Variants in PSMA6 observed in about 807,000 individuals in gnomAD.
The protein encoded by PSMA6 is proteasome 20S subunit alpha 6.
For synonymous variants in PSMA6, 88 were observed against 97.7 expected, an observed-to-expected ratio of 0.90 and a Z score of 0.59; for missense variants, 170 against 294.8, an observed-to-expected ratio of 0.58 and a Z score of 3.10.
chr14:35,294,863 G>A (rs138754993), intron 1 of PSMA6, among the ~76,000 whole-genome samples: 1 of 152,114 alleles, frequency 6.6e-6, no homozygotes, highest in African/African-American at 2.4e-5. Flanking sequence ...GACAAAGCAT[G>A]GAAGGATTAT....
rs1041975780 is a variant in PSMA6, at chr14:35,282,525, C to A, written c.19+3807C>A. ...ATCCACTTATCTCGGCCTTCCAAAG[C>A]GCTGGGATTACAGGATGAGCCATTG... On this transcript the variant is annotated intron_variant, in intron 1 of 6. Coordinates refer to the PSMA6 transcript ENST00000540871. Among the ~76,000 whole-genome samples the A allele has an allele frequency of 3.9e-5, 6 of 152,102 alleles. No homozygotes were observed. The East Asian group carries it at 9.7e-4, about 25-fold the overall frequency.
chr14:35,311,115 A>T (rs776912088), intron 4 of PSMA6: 2 of 420,530 alleles, frequency 4.8e-6, no homozygotes, highest in Non-Finnish European at 8.4e-6. Context: ...CTTTTTATCA[A>T]AGTATTTCCA....
chr14:35,287,327 G>A (rs1292727125), intron 1 of PSMA6, among the ~76,000 whole-genome samples: 1 of 152,114 alleles, frequency 6.6e-6, no homozygotes, highest in Admixed American at 6.6e-5. Flanking sequence ...TTAACATCAG[G>A]ATACTCCTCT....
chr14:35,292,042 A>C (rs968816443), upstream of PSMA6, among the ~76,000 whole-genome samples: 1 of 152,210 alleles, frequency 6.6e-6, no homozygotes, highest in Non-Finnish European at 1.5e-5. Flanking sequence ...AAGGCAAGCC[A>C]GCAGTCTGAC....
At chr14:35,295,388 A>G (rs1433745004) in intron 1 of PSMA6, among the ~76,000 whole-genome samples, 1 of 151,782 alleles carries the variant, frequency 6.6e-6, no homozygotes, top group African/African-American at 2.4e-5. Flanking sequence ...ATACTTTATA[A>G]TTATTAATAA....
chr14:35,303,184 G>C (rs528074672), intron 1 of PSMA6, among the ~76,000 whole-genome samples: 2 of 152,208 alleles, frequency 1.3e-5, no homozygotes, highest in Non-Finnish European at 2.9e-5. Context: ...GACTTGTTTT[G>C]TTCTAATAGG....
chr14:35,310,993 T>C lies in PSMA6; in HGVS notation c.409+98T>C, dbSNP rs2051933692. 5 of 1,240,302 alleles carry C rather than the reference T, an allele frequency of 4.0e-6. No individual in the cohort carries two copies. In the South Asian group the frequency reaches 5.9e-5, roughly 15 times the overall value. 76.8% of individuals were successfully genotyped at this position (1,240,302 alleles called of 1,614,324 possible). On this transcript the variant is annotated intron_variant, in intron 4 of 6. Transcript: ENST00000261479. ...TTAAATAACACTTGAGTTCTGAACA[T>C]GTGGTTTGGAAAATACATAGAGTGG...
intron 1 of PSMA6, among the ~76,000 whole-genome samples, chr14:35,298,091 C>T (rs530067330): frequency 5.3e-5 from 8 of 152,140 alleles, no homozygotes; most frequent in East Asian, 1.9e-4. Flanking sequence ...ATGGCAGTTT[C>T]GTGTGGTTCA....
At chr14:35,314,592 G>T in intron 6 of PSMA6, 137 bp downstream of exon 6, 1 of 1,158,888 alleles carries the variant, frequency 8.6e-7, no homozygotes, top group East Asian at 3.1e-5. Flanking sequence ...TTTTTCCCCA[G>T]CACCTGAGAT....
intron 3 of PSMA6, chr14:35,310,347 G>C: frequency 5.7e-6 from 2 of 351,482 alleles, no homozygotes; most frequent in Non-Finnish European, 1.1e-5. Flanking sequence ...GTAGAGACAG[G>C]ATTTAGCCAT....
intron 1 of PSMA6, among the ~76,000 whole-genome samples, chr14:35,279,883 G>T (rs2051346397): frequency 6.6e-6 from 1 of 152,206 alleles, no homozygotes; most frequent in Admixed American, 6.5e-5. Context: ...CCAGCACTTT[G>T]GGAGGCCGAG....
intron 1 of PSMA6, among the ~76,000 whole-genome samples, chr14:35,294,167 A>C (rs897215705): frequency 2.0e-5 from 3 of 152,136 alleles, no homozygotes; most frequent in Non-Finnish European, 2.9e-5. Context: ...TCAGCCTCCC[A>C]AGTACTGGGA....
chr14:35,295,199 T>C (rs10144186), intron 1 of PSMA6, among the ~76,000 whole-genome samples: 17,664 of 151,730 alleles, frequency 0.12, 1,114 homozygotes, highest in Middle Eastern at 0.17. Context: ...ACTAGCTGCT[T>C]GTGCTGGCGT....
At chr14:35,278,896 G>A (rs118046892) in intron 1 of PSMA6, among the ~76,000 whole-genome samples, 1,890 of 151,946 alleles carry the variant, frequency 0.012, 33 homozygotes, top group South Asian at 0.059. Flanking sequence ...GTTGTTGTAC[G>A]TATATATTTT....
upstream of PSMA6, chr14:35,292,224 C>G (rs4981282): frequency 3.6e-6 from 4 of 1,119,654 alleles, no homozygotes; most frequent in African/African-American, 1.6e-5. Context: ...CGTCTATCCA[C>G]TCAAGAGGCC....
Position 35,284,158 on chromosome 14 carries a change from C to A in PSMA6, c.19+5440C>A, listed in dbSNP as rs753510768. ...CAAGGCCAGCTCCTTTCATTTGTAC[C>A]CTAATCCAAAACATTTTTTGAGTCA... On this transcript the variant is annotated intron_variant, in intron 1 of 6. Transcript: ENST00000540871. Among the ~76,000 whole-genome samples, 3 of 152,074 alleles carry A rather than the reference C, an allele frequency of 2.0e-5. No individual in the cohort carries two copies. The South Asian group carries it at 6.2e-4, about 32-fold the overall frequency.
intron 3 of PSMA6, among the ~76,000 whole-genome samples, chr14:35,309,218 G>C (rs2051891207): frequency 6.6e-6 from 1 of 152,186 alleles, no homozygotes; most frequent in African/African-American, 2.4e-5. Context: ...GCTGCTGTCG[G>C]AGAAACTGGG....
At chr14:35,300,510 C>T (rs1228086833) in intron 1 of PSMA6, among the ~76,000 whole-genome samples, 1 of 152,014 alleles carries the variant, frequency 6.6e-6, no homozygotes, top group African/African-American at 2.4e-5. Flanking sequence ...GCAGGAAGAA[C>T]AATTAGAAGA....
chr14:35,294,706 C>T (rs1442032628), intron 1 of PSMA6, among the ~76,000 whole-genome samples: 4 of 147,548 alleles, frequency 2.7e-5, no homozygotes, highest in South Asian at 2.1e-4. Flanking sequence ...TTGGCCCCCC[C>T]TTTTTTTTTT....
Sources: allele counts gnomAD v4.1 joint callset (sites outside exome capture counted in the v4.1 genomes callset), GRCh38; gene constraint gnomAD v4.1.1; transcripts MANE v1.5; gene names NCBI Gene and HGNC (gene_info 2026-07-23, HGNC 2026-07-21).